Variants in MACROD2 observed in about 807,000 individuals in gnomAD.
MACROD2 encodes ADP-ribose glycohydrolase MACROD2.
MACROD2 carries 36 observed loss-of-function variants against 70.4 expected under a neutral mutation model. The observed-to-expected ratio is 0.51, with a 90% CI of 0.39 to 0.68. The LOEUF (loss-of-function observed/expected upper bound fraction) is 0.68, where lower values mean the gene tolerates loss of function less well. Ranked by LOEUF, MACROD2 falls within the 30% of genes least tolerant of loss-of-function variation. The pLI is 0.00. For missense variants in MACROD2, 496 were observed against 538.4 expected (o/e 0.92, Z 0.78); for synonymous variants, 172 against 178.8 (o/e 0.96, Z 0.30).
At chr20:15,881,302 C>T (rs1335519610) in intron 9 of MACROD2, among the ~76,000 whole-genome samples, 1 of 151,998 alleles carries the variant, frequency 6.6e-6, no homozygotes, top group East Asian at 1.9e-4. Flanking sequence ...AAGTTTATTA[C>T]TCAAATCAGT....
At chr20:15,022,599 G>A (rs2075196672) in intron 5 of MACROD2, among the ~76,000 whole-genome samples, 1 of 152,116 alleles carries the variant, frequency 6.6e-6, no homozygotes, top group Non-Finnish European at 1.5e-5. Context: ...CAGAATTTTA[G>A]AGCATTCTTG....
At chr20:14,623,628 C>A (rs1055474038) in intron 4 of MACROD2, among the ~76,000 whole-genome samples, 2 of 151,994 alleles carry the variant, frequency 1.3e-5, no homozygotes, top group Admixed American at 1.3e-4. Context: ...AACAGATGGT[C>A]GTGTTCTGGA....
rs151336798 is a variant in MACROD2, at chr20:15,724,695, A to G, written c.646-138050A>G. ...CTGTCTTGATTACTGTAGATTTACA[A>G]TAGGTCTTGAAGTTGAGTAGTGTCT... On this transcript the variant is annotated intron_variant, in intron 8 of 17. Coordinates refer to ENST00000684519, the MANE Select transcript of MACROD2 (RefSeq NM_001351661.2). 9.9e-5 allele frequency among the ~76,000 whole-genome samples: 15 copies of G among 152,266 alleles called. No homozygotes were observed. The East Asian group carries it at 2.7e-3, about 27-fold the overall frequency.
At chr20:14,623,300 T>C (rs1401899212) in intron 4 of MACROD2, among the ~76,000 whole-genome samples, 1 of 151,950 alleles carries the variant, frequency 6.6e-6, no homozygotes, top group African/African-American at 2.4e-5. Context: ...CAAAGAGCCA[T>C]GTGTTCTCCA....
At chr20:15,688,435 A>T (rs761379895) in intron 8 of MACROD2, among the ~76,000 whole-genome samples, 5 of 152,154 alleles carry the variant, frequency 3.3e-5, no homozygotes, top group Non-Finnish European at 5.9e-5. Flanking sequence ...TTGACAGCAG[A>T]TGTATCAGGG....
intron 8 of MACROD2, among the ~76,000 whole-genome samples, chr20:15,559,098 A>G (rs1233743): frequency 0.3 from 45,733 of 151,548 alleles, 7,489 homozygotes; most frequent in East Asian, 0.5. Context: ...ATGGTGGCGC[A>G]CGCCTGTAGT....
intron 3 of MACROD2, among the ~76,000 whole-genome samples, chr20:14,195,404 T>G (rs2081422184): frequency 6.6e-6 from 1 of 151,616 alleles, no homozygotes; most frequent in African/African-American, 2.4e-5. Context: ...GGGAAGGGCA[T>G]GGTCCCTTTC....
intron 3 of MACROD2, among the ~76,000 whole-genome samples, chr20:14,273,762 A>T (rs2082222241): frequency 6.6e-6 from 1 of 152,230 alleles, no homozygotes; most frequent in Admixed American, 6.5e-5. Context: ...ACTCATAAAG[A>T]AGAAAAGAGA....
intron 12 of MACROD2, among the ~76,000 whole-genome samples, 156 bp from the exon 13 acceptor site, chr20:15,967,397 C>T (rs1210893169): frequency 3.3e-5 from 5 of 152,208 alleles, no homozygotes; most frequent in South Asian, 2.1e-4. Context: ...GGAAAAAAAG[C>T]GCCTATTTAT....
chr20:15,671,150 A>G (rs1392901722), intron 8 of MACROD2, among the ~76,000 whole-genome samples: 1 of 152,114 alleles, frequency 6.6e-6, no homozygotes, highest in Non-Finnish European at 1.5e-5. Flanking sequence ...TCAGCTCTAC[A>G]TTATGGATTT....
intron 5 of MACROD2, among the ~76,000 whole-genome samples, chr20:14,819,765 T>C (rs1309027484): frequency 2.6e-5 from 4 of 151,916 alleles, no homozygotes; most frequent in Non-Finnish European, 5.9e-5. Flanking sequence ...AGGAGAGAAG[T>C]GTTCTAGGCA....
intron 3 of MACROD2, among the ~76,000 whole-genome samples, chr20:14,248,800 C>T (rs2122261837): frequency 6.6e-6 from 1 of 152,100 alleles, no homozygotes; most frequent in South Asian, 2.1e-4. Context: ...GATACTCAAC[C>T]CATATTGGCA....
intron 7 of MACROD2, among the ~76,000 whole-genome samples, chr20:15,473,776 G>A (rs1457405012): frequency 6.6e-6 from 1 of 152,084 alleles, no homozygotes; most frequent in African/African-American, 2.4e-5. Flanking sequence ...CCTTTCTCTA[G>A]TCCCAGTTTG....
chr20:14,179,228 G>T (rs2081288078), intron 3 of MACROD2, among the ~76,000 whole-genome samples: 1 of 152,058 alleles, frequency 6.6e-6, no homozygotes, highest in African/African-American at 2.4e-5. Flanking sequence ...TTACTTTTTT[G>T]AAAATAACTG....
chr20:14,174,754 T>G (rs1489070111), intron 3 of MACROD2, among the ~76,000 whole-genome samples: 1 of 152,230 alleles, frequency 6.6e-6, no homozygotes, highest in East Asian at 1.9e-4. Context: ...TCCTTCTTCC[T>G]ATGGTCTTTT....
intron 5 of MACROD2, among the ~76,000 whole-genome samples, chr20:14,718,771 A>G (rs764760226): frequency 6.6e-6 from 1 of 152,208 alleles, no homozygotes; most frequent in Non-Finnish European, 1.5e-5. Flanking sequence ...TGATAAAATA[A>G]TACTCGTGAG....
intron 3 of MACROD2, among the ~76,000 whole-genome samples, chr20:14,130,937 T>TG (rs975296785): frequency 7.3e-5 from 11 of 150,548 alleles, no homozygotes; most frequent in African/African-American, 2.7e-4. Flanking sequence ...TTTGTTTTTT[T>TG]TTTTTTTTCT....
chr20:14,826,306 T>A (rs1031166864), intron 5 of MACROD2, among the ~76,000 whole-genome samples: 6 of 152,038 alleles, frequency 3.9e-5, no homozygotes, highest in South Asian at 2.1e-4. Flanking sequence ...CATTCCCTAA[T>A]AAATACATGT....
intron 4 of MACROD2, among the ~76,000 whole-genome samples, chr20:14,567,346 G>A (rs2208127): frequency 0.017 from 2,580 of 152,094 alleles, 75 homozygotes; most frequent in African/African-American, 0.059. Flanking sequence ...TATTTAATGG[G>A]ATGTGGAGGA....
Sources: gnomAD v4.1 joint callset for allele counts (sites outside exome capture counted in the v4.1 genomes callset) on GRCh38, gnomAD v4.1.1 for gene constraint, MANE v1.5 for transcripts, NCBI Gene and HGNC (gene_info 2026-07-23, HGNC 2026-07-21) for gene names.